The following PDE4D variants were observed in gnomAD, a reference collection of about 807,000 sequenced individuals.
PDE4D encodes 3',5'-cyclic-AMP phosphodiesterase 4D.
A neutral mutation model predicts 87.4 loss-of-function variants in PDE4D; 24 were observed. That is an observed-to-expected ratio of 0.27 (90% confidence interval 0.20 to 0.39). The LOEUF is 0.39. Among genes scored for constraint, PDE4D ranks in the 10% least tolerant of loss-of-function variants. The pLI is 1.00. For synonymous variants in PDE4D, 384 were observed against 383.2 expected, an observed-to-expected ratio of 1.00 and a Z score of -0.02; for missense variants, 714 against 1,041.0, an observed-to-expected ratio of 0.69 and a Z score of 4.32.
intron 1 of PDE4D, among the ~76,000 whole-genome samples, chr5:59,818,925 G>C (rs1306063373): frequency 6.6e-6 from 1 of 150,984 alleles, no homozygotes; most frequent in Non-Finnish European, 1.5e-5. Context: ...AAATTGAAAA[G>C]AAAGAGATAA....
intron 2 of PDE4D, among the ~76,000 whole-genome samples, chr5:60,095,813 G>A (rs1282121573): frequency 6.6e-6 from 1 of 152,044 alleles, no homozygotes; most frequent in Non-Finnish European, 1.5e-5. Context: ...ATCTCATTGT[G>A]GTTTTGATTT....
At chr5:60,047,056 G>A (rs922151087) in intron 2 of PDE4D, among the ~76,000 whole-genome samples, 3 of 152,126 alleles carry the variant, frequency 2.0e-5, no homozygotes, top group Non-Finnish European at 4.4e-5. Flanking sequence ...CCTGTTATTG[G>A]TCTATTCAGA....
intron 4 of PDE4D, among the ~76,000 whole-genome samples, chr5:59,183,072 G>C (rs1742027879): frequency 6.6e-6 from 1 of 152,172 alleles, no homozygotes; most frequent in Non-Finnish European, 1.5e-5. Flanking sequence ...ATTCTCCCAG[G>C]GTCATCATGT....
At chr5:60,094,887 C>G (rs767710864) in intron 2 of PDE4D, among the ~76,000 whole-genome samples, 2 of 151,858 alleles carry the variant, frequency 1.3e-5, no homozygotes, top group Non-Finnish European at 2.9e-5. Context: ...TTTACTTTTC[C>G]GTACATTAAT....
intron 1 of PDE4D, among the ~76,000 whole-genome samples, chr5:59,531,373 T>C (rs145396652): frequency 2.8e-4 from 42 of 152,366 alleles, no homozygotes; most frequent in Non-Finnish European, 4.1e-4. Context: ...CCTGACTTTT[T>C]TCCTTAGCAC....
At chr5:59,677,120 T>G (rs1748221528) in intron 1 of PDE4D, among the ~76,000 whole-genome samples, 1 of 151,932 alleles carries the variant, frequency 6.6e-6, no homozygotes, top group Admixed American at 6.6e-5. Context: ...AAAAAAAAGT[T>G]GAGATCTTTT....
At chr5:60,110,311 A>C (rs913639599) in intron 2 of PDE4D, among the ~76,000 whole-genome samples, 3 of 152,112 alleles carry the variant, frequency 2.0e-5, no homozygotes, top group Admixed American at 6.6e-5. Flanking sequence ...CAAGGAACTC[A>C]AACAATTCAA....
chr5:59,207,128 G>A (rs1056957310), intron 2 of PDE4D, among the ~76,000 whole-genome samples: 2 of 152,044 alleles, frequency 1.3e-5, no homozygotes, highest in Non-Finnish European at 2.9e-5. Flanking sequence ...AGGCTGCAGT[G>A]AGCTGTGATT....
Position 59,446,369 on chromosome 5 carries a change from AT to A in PDE4D, c.456-230402del, listed in dbSNP as rs1194166853. On this transcript the variant is annotated intron_variant, in intron 1 of 14. Transcript: ENST00000340635. Reference sequence around the variant, plus strand: ...TATTTCAATGAAAAAAATATAGTGAATTCTATTAGGATTAAAGACATTTTTG... The same window carrying A: ...TATTTCAATGAAAAAAATATAGTGAATCTATTAGGATTAAAGACATTTTTG... Among the ~76,000 whole-genome samples the A allele has an allele frequency of 3.3e-5, 5 of 152,304 alleles. No individual in the cohort carries two copies. The East Asian group carries it at 9.6e-4, about 29-fold the overall frequency.
chr5:59,626,937 T>C (rs1830969119), intron 1 of PDE4D, among the ~76,000 whole-genome samples: 1 of 152,222 alleles, frequency 6.6e-6, no homozygotes, highest in Non-Finnish European at 1.5e-5. Context: ...ACTTTGCCTT[T>C]GTTGGCTCTA....
intron 1 of PDE4D, among the ~76,000 whole-genome samples, chr5:59,684,536 T>C (rs1409162218): frequency 6.6e-6 from 1 of 152,192 alleles, no homozygotes; most frequent in Admixed American, 6.5e-5. Context: ...GTAACTGATT[T>C]GGGCATGAAG....
chr5:59,842,078 T>A (rs775138751), intron 1 of PDE4D, among the ~76,000 whole-genome samples: 1 of 152,006 alleles, frequency 6.6e-6, no homozygotes, highest in Non-Finnish European at 1.5e-5. Context: ...ACTGATCAGA[T>A]TGGCATTTCA....
At chr5:59,363,192 C>T (rs1033283311) in intron 1 of PDE4D, among the ~76,000 whole-genome samples, 3 of 152,108 alleles carry the variant, frequency 2.0e-5, no homozygotes, top group East Asian at 1.9e-4. Context: ...GAGAGAGAGC[C>T]ATTGCAAAGA....
chr5:60,291,585 C>A (rs892757325), intron 1 of PDE4D, among the ~76,000 whole-genome samples: 1 of 151,002 alleles, frequency 6.6e-6, no homozygotes, highest in Non-Finnish European at 1.5e-5. Context: ...TCCTAAAAAC[C>A]CTAAAAGACA....
chr5:60,394,205 C>T (rs578044779), intron 1 of PDE4D, among the ~76,000 whole-genome samples: 8 of 152,306 alleles, frequency 5.3e-5, no homozygotes, highest in African/African-American at 1.9e-4. Context: ...AATATGCACA[C>T]AAACTAACAC....
chr5:60,500,983 T>C (rs942541249), intron 1 of PDE4D, among the ~76,000 whole-genome samples: 1 of 148,948 alleles, frequency 6.7e-6, no homozygotes, highest in African/African-American at 2.6e-5. Context: ...CTACAGGTTT[T>C]CTTTTTTTTT....
At chr5:59,623,773 G>A (rs1018300269) in intron 1 of PDE4D, among the ~76,000 whole-genome samples, 2 of 152,166 alleles carry the variant, frequency 1.3e-5, no homozygotes, top group East Asian at 3.8e-4. Flanking sequence ...CATTTAAGGA[G>A]GGTTCAATGT....
At position 60,102,041 on chromosome 5, in the gene PDE4D, T is replaced by C. The variant is rs922728750; in HGVS notation, c.42+83516A>G. 1.4e-4 allele frequency among the ~76,000 whole-genome samples: 21 copies of C among 152,242 alleles called. No homozygotes were observed. In the East Asian group the frequency reaches 3.9e-3, roughly 28 times the overall value. ...CCTCAATTGAGTTTGGAGTCACTGA[T>C]GTACTTCACATTTACCTTAGAAAAC... On this transcript the variant is annotated intron_variant, in intron 2 of 16. Coordinates refer to the PDE4D transcript ENST00000502484.
At chr5:59,415,239 T>A (rs189228112) in intron 1 of PDE4D, among the ~76,000 whole-genome samples, 1 of 152,064 alleles carries the variant, frequency 6.6e-6, no homozygotes. Flanking sequence ...TGAGTTTAAG[T>A]GGAAAAATAG....
Sources: gnomAD v4.1 joint callset for allele counts (sites outside exome capture counted in the v4.1 genomes callset) on GRCh38, gnomAD v4.1.1 for gene constraint, MANE v1.5 for transcripts, NCBI Gene and HGNC (gene_info 2026-07-23, HGNC 2026-07-21) for gene names.